The following SLC8A3 variants were observed in gnomAD, a reference collection of about 807,000 sequenced individuals.
SLC8A3 encodes sodium/calcium exchanger 3.
SLC8A3 carries 37 observed loss-of-function variants against 65.4 expected under a neutral mutation model. The observed-to-expected ratio is 0.57, with a 90% CI of 0.44 to 0.74. The LOEUF (loss-of-function observed/expected upper bound fraction) is 0.74. SLC8A3 is among the 30% of genes least tolerant of loss of function. The pLI is 0.00. For synonymous variants in SLC8A3, 461 were observed against 444.5 expected, an observed-to-expected ratio of 1.04 and a Z score of -0.47; for missense variants, 1,112 against 1,172.1, an observed-to-expected ratio of 0.95 and a Z score of 0.75.
chr14:70,112,432 C>G (rs540868334), intron 2 of SLC8A3, among the ~76,000 whole-genome samples: 1 of 152,302 alleles, frequency 6.6e-6, no homozygotes, highest in Non-Finnish European at 1.5e-5. Flanking sequence ...AGCCTTGCCA[C>G]ACAACCCTGA....
chr14:70,122,700 A>C lies in SLC8A3; in HGVS notation c.1784+43939T>G, dbSNP rs990980921. On this transcript the variant is annotated intron_variant, in intron 2 of 6. Coordinates refer to ENST00000356921, the MANE Select transcript of SLC8A3 (RefSeq NM_182932.3). ...CAACAACAACAAACAAACAAACAAA[A>C]AAACGTTCAGAGTAGATGACCTTCA... 5.9e-5 allele frequency among the ~76,000 whole-genome samples: 9 copies of C among 152,270 alleles called. 1 individual carries two copies. Among genetic ancestry groups the C allele is most frequent in the Middle Eastern group, 3.4e-3 (1 of 294 alleles).
In SLC8A3 at chr14:70,052,034, G is replaced by A. The variant is rs1887569490; in HGVS notation, c.1969C>T (p.His657Tyr). 6 of 1,612,976 alleles carry A rather than the reference G, an allele frequency of 3.7e-6. No homozygotes were observed. Among genetic ancestry groups the A allele is most frequent in the Non-Finnish European group, 5.1e-6 (6 of 1,179,546 alleles). Residue 657 changes from histidine (H) to tyrosine (Y), a missense_variant, in exon 4 of 7, where the codon CAC (histidine) becomes TAC (tyrosine). Physicochemically the swap from His to Tyr is moderately conservative, Grantham distance 83. Coordinates refer to ENST00000356921, the MANE Select transcript of SLC8A3 (RefSeq NM_182932.3). ...AEMGKPVLGEHPKLEVIIEES... is the reference protein window; with the variant it reads ...AEMGKPVLGEYPKLEVIIEES... ...TCAATGATGACTTCTAGTTTGGGGT[G>A]TTCACCCAATACTGGCTTTCCCATC...
In SLC8A3 at chr14:70,062,827, G is replaced by A. The variant is rs78760181; in HGVS notation, c.1785-1888C>T. 8.6e-3 allele frequency among the ~76,000 whole-genome samples: 1,314 copies of A among 152,312 alleles called. 16 individuals are homozygous for A. The highest frequency in any genetic ancestry group is 0.031 in the African/African-American group (1,283 of 41,552). On this transcript the variant is annotated intron_variant, in intron 2 of 6. Coordinates refer to ENST00000356921, the MANE Select transcript of SLC8A3 (RefSeq NM_182932.3). ...CCCCAGGGCTGTCTACAAGGTGTGAGCCTGTTTCTCTGCTGCAGGAACTCT... is the reference window on the plus strand; with the variant it reads ...CCCCAGGGCTGTCTACAAGGTGTGAACCTGTTTCTCTGCTGCAGGAACTCT...
At chr14:70,059,707 G>A (rs1888560759) in intron 3 of SLC8A3, among the ~76,000 whole-genome samples, 4 of 152,140 alleles carry the variant, frequency 2.6e-5, no homozygotes, top group African/African-American at 9.7e-5. Context: ...GGGCTATCTT[G>A]GGATCTGGGC....
chr14:70,110,123 CAATGTGA>C (rs1389106153), intron 2 of SLC8A3, among the ~76,000 whole-genome samples: 2 of 151,990 alleles, frequency 1.3e-5, no homozygotes, highest in Non-Finnish European at 2.9e-5. Flanking sequence ...CAGAGGCATG[CAATGTGA>C]AATAAGCACA....
intron 2 of SLC8A3, among the ~76,000 whole-genome samples, chr14:70,113,704 G>T (rs1224170036): frequency 1.3e-5 from 2 of 152,180 alleles, no homozygotes; most frequent in Non-Finnish European, 1.5e-5. Context: ...TCACTAAATT[G>T]TTAACACTAT....
rs1244160665 is a variant in SLC8A3 at position 70,079,616 on chromosome 14, T to C, written c.1785-18677A>G. 1.2e-4 allele frequency among the ~76,000 whole-genome samples: 19 copies of C among 152,290 alleles called. No individual in the cohort carries two copies. In the East Asian group the frequency reaches 3.3e-3, roughly 26 times the overall value. On this transcript the variant is annotated intron_variant, in intron 2 of 6. Coordinates refer to ENST00000356921, the MANE Select transcript of SLC8A3 (RefSeq NM_182932.3). Reference sequence around the variant, plus strand: ...TTTCTGCACTGGTGTAAGTTCCATGTCCGGGCATCATAATGGCCCCCACCC... The same window carrying C: ...TTTCTGCACTGGTGTAAGTTCCATGCCCGGGCATCATAATGGCCCCCACCC...
intron 5 of SLC8A3, 61 bp downstream of exon 5, chr14:70,050,947 A>G: frequency 9.3e-7 from 1 of 1,076,110 alleles, no homozygotes; most frequent in Non-Finnish European, 1.4e-6. Context: ...ACGTGGCTTT[A>G]CGCTTCCTTC....
At chr14:70,161,988 C>T (rs1896921975) in intron 2 of SLC8A3, among the ~76,000 whole-genome samples, 1 of 152,222 alleles carries the variant, frequency 6.6e-6, no homozygotes, top group Admixed American at 6.5e-5. Flanking sequence ...CCAACTATGC[C>T]TGTCACCTTT....
Position 70,059,352 on chromosome 14 carries a change from T to G in SLC8A3, c.1888+1484A>C, listed in dbSNP as rs575299629. ...TATGCTGCTCTTTGTCACATGAATA[T>G]GAACTAATTGCAGTATGATCACCCC... is the stretch of plus-strand genomic sequence containing the variant. On this transcript the variant is annotated intron_variant, in intron 3 of 6. Transcript: ENST00000356921. 9.8e-5 allele frequency: 15 copies of G among 152,344 alleles called. No individual in the cohort carries two copies. In the South Asian group the frequency reaches 1.7e-3, roughly 17 times the overall value. 9.4% of individuals were successfully genotyped at this position (152,344 alleles called of 1,614,324 possible). A position where few individuals can be genotyped will look rare whatever the true frequency, so the allele number is the denominator to read the frequency against.
Position 70,186,528 on chromosome 14 carries a change from C to T in SLC8A3, c.-63+1851G>A, listed in dbSNP as rs144311263. Among the ~76,000 whole-genome samples the T allele has an allele frequency of 4.6e-3, 704 of 152,242 alleles. 1 individual carries two copies. The highest frequency in any genetic ancestry group is 0.01 in the Middle Eastern group (3 of 294). On this transcript the variant is annotated intron_variant, in intron 1 of 6. Coordinates refer to ENST00000356921, the MANE Select transcript of SLC8A3 (RefSeq NM_182932.3). ...CAAGCGGAGGAAACTGCATGAATGG[C>T]CTTCCCTTCTCCATCAAGTTAAAGA...
chr14:70,141,633 C>A (rs780977048), intron 2 of SLC8A3, among the ~76,000 whole-genome samples: 8 of 152,120 alleles, frequency 5.3e-5, no homozygotes, highest in Non-Finnish European at 1.0e-4. Flanking sequence ...GTTCATGGGT[C>A]CCTCTTCAAC....
intron 2 of SLC8A3, among the ~76,000 whole-genome samples, chr14:70,083,558 C>T (rs1891212457): frequency 6.6e-6 from 1 of 152,228 alleles, no homozygotes; most frequent in Non-Finnish European, 1.5e-5. Context: ...TTTCTTATAA[C>T]TTGTTGCCTA....
At chr14:70,082,976 T>C (rs1051718486) in intron 2 of SLC8A3, among the ~76,000 whole-genome samples, 1 of 152,014 alleles carries the variant, frequency 6.6e-6, no homozygotes, top group Non-Finnish European at 1.5e-5. Flanking sequence ...GAGGGACAGG[T>C]AGGGAGAGGA....
intron 2 of SLC8A3, among the ~76,000 whole-genome samples, chr14:70,115,387 A>G (rs777537840): frequency 6.6e-5 from 10 of 152,220 alleles, no homozygotes; most frequent in Non-Finnish European, 1.3e-4. Flanking sequence ...ATTACTGGCT[A>G]CTTGTGCAAA....
At chr14:70,164,223 A>G (rs1378282232) in intron 2 of SLC8A3, among the ~76,000 whole-genome samples, 1 of 152,176 alleles carries the variant, frequency 6.6e-6, no homozygotes, top group Non-Finnish European at 1.5e-5. Context: ...CCCAAACTAC[A>G]TTATTAAATC....
Position 70,051,170 on chromosome 14 carries a change from G to T in SLC8A3, c.2014-63C>A, listed in dbSNP as rs144500387. The T allele has an allele frequency of 1.3e-4, 148 of 1,148,638 alleles. 1 individual carries two copies. The East Asian group carries it at 3.4e-3, about 26-fold the overall frequency. The allele number at this position is 1,148,638 out of a possible 1,614,324, so 71.2% of individuals were successfully genotyped here. A position where few individuals can be genotyped will look rare whatever the true frequency, so the allele number is the denominator to read the frequency against. On this transcript the variant is annotated intron_variant, in intron 4 of 6. Transcript: ENST00000356921. ...AATGCTCAGAACCAATGAGGAGTCT[G>T]GTTCTTCAAAGGAATGAAAGATGCC...
chr14:70,046,116 G>A lies in SLC8A3; in HGVS notation c.2597C>T (p.Ala866Val). 1 of 1,614,182 alleles carries A rather than the reference G, an allele frequency of 6.2e-7. No individual in the cohort carries two copies. The highest frequency in any genetic ancestry group is 8.5e-7 in the Non-Finnish European group (1 of 1,180,016). Residue 866 changes from alanine to valine, a missense_variant, in exon 7 of 7, where the codon GCA (alanine) becomes GTA (valine). Ala to Val is a moderately conservative substitution (Grantham distance 64). Transcript: ENST00000356921. This position sits in a 1 kb window ranked among gnomAD's most constrained non-coding sequence, Gnocchi z 4.2. ...AFSVTLFTIF[A>V]FVCISVLLYR... ...CAAGAGCACGCTGATGCAGACAAAT[G>A]CAAAGATGGTGAAGAGGGTGACGGA...
intron 1 of SLC8A3, among the ~76,000 whole-genome samples, chr14:70,171,775 G>A (rs1028701737): frequency 6.6e-6 from 1 of 152,026 alleles, no homozygotes; most frequent in Non-Finnish European, 1.5e-5. Flanking sequence ...ACTCCCACCC[G>A]GGCAACAAGA....
Sources: allele counts gnomAD v4.1 joint callset (sites outside exome capture counted in the v4.1 genomes callset), GRCh38; gene constraint gnomAD v4.1.1; non-coding constraint Gnocchi (gnomAD v3.1); transcripts MANE v1.5; gene names NCBI Gene and HGNC (gene_info 2026-07-23, HGNC 2026-07-21).